Variants in CASD1 observed in about 807,000 individuals in gnomAD.
The protein encoded by CASD1 is N-acetylneuraminate (7)9-O-acetyltransferase.
In CASD1, 41 loss-of-function variants were observed where a neutral mutation model predicts 100.0. The observed-to-expected ratio is 0.41, with a 90% CI of 0.32 to 0.53. The LOEUF is 0.53. Among genes scored for constraint, CASD1 ranks in the 20% least tolerant of loss-of-function variants. The pLI is 0.25. For missense variants in CASD1, 774 were observed against 948.7 expected, an observed-to-expected ratio of 0.82 and a Z score of 2.42; for synonymous variants, 321 against 315.6, an observed-to-expected ratio of 1.02 and a Z score of -0.18.
chr7:94,542,866 C>G (rs1051471187), intron 10 of CASD1, among the ~76,000 whole-genome samples: 10 of 152,208 alleles, frequency 6.6e-5, no homozygotes, highest in Non-Finnish European at 1.3e-4. Flanking sequence ...ATGTTACACC[C>G]TCATTGAAAA....
chr7:94,553,814 A>G (rs558556732), intron 16 of CASD1: 2 of 151,746 alleles, frequency 1.3e-5, no homozygotes, highest in Non-Finnish European at 2.9e-5. Context: ...AAATAAATAA[A>G]TAAAAAGAAA....
At chr7:94,582,279 G>T in the CASD1 span, among the ~76,000 whole-genome samples, 1 of 151,986 alleles carries the variant, frequency 6.6e-6, no homozygotes, top group South Asian at 2.1e-4. Context: ...CACCATGGCC[G>T]GCTAATTTTT....
chr7:94,577,841 T>C, the CASD1 span, among the ~76,000 whole-genome samples: 1 of 152,220 alleles, frequency 6.6e-6, no homozygotes, highest in Admixed American at 6.5e-5. Flanking sequence ...AAGACAACTT[T>C]GCAAGTGGGT....
the CASD1 span, among the ~76,000 whole-genome samples, chr7:94,632,546 T>C: frequency 1.3e-5 from 2 of 152,112 alleles, no homozygotes; most frequent in African/African-American, 4.8e-5. Context: ...AAGTATAGTA[T>C]GCCATTCACT....
At chr7:94,562,489 C>T in the CASD1 span, among the ~76,000 whole-genome samples, 6 of 152,118 alleles carry the variant, frequency 3.9e-5, no homozygotes, top group African/African-American at 9.7e-5. Context: ...CATTTATCTC[C>T]TCATTAGGGT....
the CASD1 span, chr7:94,598,816 G>T: frequency 1.9e-6 from 3 of 1,613,376 alleles, no homozygotes; most frequent in South Asian, 3.3e-5. Flanking sequence ...TATCATAGTT[G>T]TCTGTGTGTA....
At chr7:94,554,685 G>T in intron 17 of CASD1, 110 bp downstream of exon 17, 1 of 576,746 alleles carries the variant, frequency 1.7e-6, no homozygotes, top group Non-Finnish European at 3.0e-6. Context: ...AAAATCGGAC[G>T]TACTTTTTTC....
chr7:94,618,749 T>C, the CASD1 span: 1 of 1,608,964 alleles, frequency 6.2e-7, no homozygotes, highest in Middle Eastern at 1.7e-4. Flanking sequence ...GAGATAAAGA[T>C]CTGCTTACCC....
At chr7:94,598,906 C>T in the CASD1 span, 1 of 1,613,888 alleles carries the variant, frequency 6.2e-7, no homozygotes, top group South Asian at 1.1e-5. Context: ...TATTCTTGGA[C>T]ATGTCTCGAA....
At chr7:94,543,326 T>C (rs1004841003) in intron 10 of CASD1, among the ~76,000 whole-genome samples, 1 of 152,174 alleles carries the variant, frequency 6.6e-6, no homozygotes, top group Non-Finnish European at 1.5e-5. Context: ...GCTCAATTAC[T>C]GTATTGAGCA....
the CASD1 span, chr7:94,598,724 A>G: frequency 1.7e-6 from 2 of 1,179,110 alleles, no homozygotes; most frequent in South Asian, 2.4e-5. Context: ...TACAGATATT[A>G]GTAAAAATAT....
chr7:94,554,407 A>G, intron 16 of CASD1, 76 bp from the exon 17 acceptor site: 1 of 904,590 alleles, frequency 1.1e-6, no homozygotes, highest in Non-Finnish European at 1.7e-6. Context: ...TAAGGTTATC[A>G]TTTAAAAGAA....
chr7:94,526,406 C>T lies in CASD1; in HGVS notation c.352-756C>T, dbSNP rs969688188. Among the ~76,000 whole-genome samples, 6 of 152,308 alleles carry T rather than the reference C, an allele frequency of 3.9e-5. No homozygotes were observed. In the East Asian group the frequency reaches 5.8e-4, roughly 15 times the overall value. On this transcript the variant is annotated intron_variant, in intron 3 of 17. Coordinates refer to ENST00000297273, the MANE Select transcript of CASD1 (RefSeq NM_022900.5). ...AAGTGGCGTATGTCACATATATCCA[C>T]GTCGCATTAGCCAGAACTAGCCATG...
At chr7:94,601,382 A>G in the CASD1 span, among the ~76,000 whole-genome samples, 3 of 141,066 alleles carry the variant, frequency 2.1e-5, no homozygotes, top group South Asian at 7.4e-4. Context: ...AGTAACTTTT[A>G]TGGAAGATAG....
rs1255964539 is a variant in CASD1 at position 94,510,191 on chromosome 7, G to A, written c.107G>A (p.Cys36Tyr). The change falls in exon 1 of 18, where the codon TGC (cysteine) becomes TAC (tyrosine). Residue 36 changes from cysteine (C) to tyrosine (Y), a missense_variant. Physicochemically the swap from Cys to Tyr is radical, Grantham distance 194. Transcript: ENST00000297273. Reference protein sequence around the residue: ...ALVAVLLLAACHLASRRYRGN... With the variant: ...ALVAVLLLAAYHLASRRYRGN... ...GTGGCCGTGCTGCTGCTCGCAGCGT[G>A]CCACCTCGCCTCCCGCCGCTACCGA... is the stretch of plus-strand genomic sequence containing the variant. The A allele has an allele frequency of 2.0e-6, 3 of 1,494,984 alleles. No individual in the cohort carries two copies. Among genetic ancestry groups the A allele is most frequent in the South Asian group, 1.3e-5 (1 of 76,890 alleles). The allele number at this position is 1,494,984 out of a possible 1,614,324, so 92.6% of individuals were successfully genotyped here.
intron 3 of CASD1, among the ~76,000 whole-genome samples, chr7:94,522,962 A>T (rs992697310): frequency 8.5e-5 from 13 of 152,132 alleles, no homozygotes; most frequent in African/African-American, 3.1e-4. Flanking sequence ...CACCCGGCCA[A>T]CTTTTTATTT....
the CASD1 span, among the ~76,000 whole-genome samples, chr7:94,633,123 C>T: frequency 1.3e-5 from 2 of 151,976 alleles, no homozygotes; most frequent in African/African-American, 4.8e-5. Context: ...CTCTGTGTAT[C>T]GCATGGTTTT....
At chr7:94,566,520 C>A in the CASD1 span, among the ~76,000 whole-genome samples, 29 of 151,642 alleles carry the variant, frequency 1.9e-4, no homozygotes, top group African/African-American at 6.5e-4. Context: ...AGAACTCTTA[C>A]AATTTTTTTT....
chr7:94,613,535 G>C, the CASD1 span, among the ~76,000 whole-genome samples: 1 of 152,144 alleles, frequency 6.6e-6, no homozygotes, highest in Non-Finnish European at 1.5e-5. Context: ...GAGTGCACTA[G>C]ATAGAGTTGT....
Sources: gnomAD v4.1 joint callset for allele counts (sites outside exome capture counted in the v4.1 genomes callset) on GRCh38, gnomAD v4.1.1 for gene constraint, MANE v1.5 for transcripts, NCBI Gene and HGNC (gene_info 2026-07-23, HGNC 2026-07-21) for gene names.